DMGDH: variants seen among roughly 807,000 people sequenced by gnomAD.
DMGDH encodes dimethylglycine dehydrogenase, mitochondrial.
DMGDH carries 76 observed loss-of-function variants against 95.2 expected under a neutral mutation model. The observed-to-expected ratio is 0.80, with a 90% CI of 0.66 to 0.97. The LOEUF (loss-of-function observed/expected upper bound fraction) is 0.97. DMGDH is among the 50% of genes least tolerant of loss of function. The pLI is 0.00. For synonymous variants in DMGDH, 345 were observed against 377.6 expected (o/e 0.91, Z 1.00); for missense variants, 987 against 1,055.0 (o/e 0.94, Z 0.89).
intron 5 of DMGDH, among the ~76,000 whole-genome samples, chr5:79,047,014 C>T (rs1242093216): frequency 6.6e-6 from 1 of 151,964 alleles, no homozygotes; most frequent in Admixed American, 6.6e-5. Flanking sequence ...ACTTCAAATC[C>T]CATAGCAAGC....
chr5:79,048,350 C>T lies in DMGDH; in HGVS notation c.745+2937G>A, dbSNP rs140894631. ...ACTGCCATGGACAATGCCGAAAACA[C>T]ATCAGCTGACAAATTTTTACTCTTA... On this transcript the variant is annotated intron_variant, in intron 5 of 15. Coordinates refer to ENST00000255189, the MANE Select transcript of DMGDH (RefSeq NM_013391.3). Among the ~76,000 whole-genome samples, 6 of 152,316 alleles carry T rather than the reference C, an allele frequency of 3.9e-5. No individual in the cohort carries two copies. The East Asian group carries it at 1.2e-3, about 29-fold the overall frequency.
At chr5:79,000,459 T>C in intron 15 of DMGDH, 1 of 617,972 alleles carries the variant, frequency 1.6e-6, no homozygotes, top group East Asian at 4.1e-5. Flanking sequence ...GACAAACTAC[T>C]GGATCAAAGT....
chr5:79,033,167 C>T (rs1754239550), intron 8 of DMGDH, 72 bp downstream of exon 8: 2 of 1,586,394 alleles, frequency 1.3e-6, no homozygotes, highest in African/African-American at 1.3e-5. Flanking sequence ...AGAATAAAGA[C>T]CATCTAAAGT....
intron 5 of DMGDH, among the ~76,000 whole-genome samples, chr5:79,050,273 A>AAAAAAAAAATATATAT (rs1554037270): frequency 9.6e-5 from 2 of 20,936 alleles, no homozygotes; most frequent in African/African-American, 1.6e-4. Context: ...AAAAAAAAAA[A>AAAAAAAAAATATATAT]ATATATATAT....
chr5:79,017,693 C>T (rs60563713), intron 14 of DMGDH, among the ~76,000 whole-genome samples: 1 of 152,044 alleles, frequency 6.6e-6, no homozygotes, highest in Non-Finnish European at 1.5e-5. Flanking sequence ...CATACAAATA[C>T]TTGTACACAA....
At chr5:79,062,610 T>C (rs1755242390) in intron 2 of DMGDH, among the ~76,000 whole-genome samples, 1 of 152,008 alleles carries the variant, frequency 6.6e-6, no homozygotes, top group Admixed American at 6.6e-5. Flanking sequence ...TGTCAATCCC[T>C]TCATCTACCT....
At chr5:79,049,861 T>G (rs1754785034) in intron 5 of DMGDH, among the ~76,000 whole-genome samples, 1 of 152,160 alleles carries the variant, frequency 6.6e-6, no homozygotes, top group African/African-American at 2.4e-5. Context: ...GCTTTTCAAA[T>G]AGGAGGCATG....
chr5:79,000,475 T>C, intron 15 of DMGDH: 1 of 613,242 alleles, frequency 1.6e-6, no homozygotes, highest in Non-Finnish European at 3.2e-6. Context: ...AAAGTCTGCC[T>C]GAAAAGTACT....
At chr5:79,008,283 T>A (rs1360007686) in intron 14 of DMGDH, among the ~76,000 whole-genome samples, 1 of 152,152 alleles carries the variant, frequency 6.6e-6, no homozygotes, top group Non-Finnish European at 1.5e-5. Flanking sequence ...TGAGTTGAGT[T>A]TTGAAAGACG....
intron 2 of DMGDH, among the ~76,000 whole-genome samples, chr5:79,056,812 G>A (rs1025552733): frequency 2.0e-5 from 3 of 152,212 alleles, no homozygotes; most frequent in South Asian, 2.1e-4. Flanking sequence ...CCAAGATCAC[G>A]CCATTGCACT....
intron 14 of DMGDH, 53 bp downstream of exon 14, chr5:79,024,218 T>A: frequency 4.6e-6 from 7 of 1,519,714 alleles, no homozygotes; most frequent in Non-Finnish European, 6.4e-6. Flanking sequence ...TGTCACAAAA[T>A]AGCATCATAA....
chr5:79,059,958 A>C (rs953341638), intron 2 of DMGDH, among the ~76,000 whole-genome samples: 4 of 152,228 alleles, frequency 2.6e-5, no homozygotes, highest in Non-Finnish European at 2.9e-5. Flanking sequence ...ATTTCTATAA[A>C]GCTAATCACA....
rs753967144 is a variant in DMGDH at position 79,051,321 on chromosome 5, C to A, written c.711G>T (p.Gly237=). ...DGTWDVETPQ[G]SMRANRIVNA... Reference sequence around the variant, plus strand: ...TCACAATTCTATTTGCTCTCATAGACCCCTGTGGTGTTTCAACGTCCCATG... The same window carrying A: ...TCACAATTCTATTTGCTCTCATAGAACCCTGTGGTGTTTCAACGTCCCATG... Residue 237 remains glycine, a synonymous_variant, in exon 5 of 16, where the codon GGG becomes GGT. Transcript: ENST00000255189. 1.2e-6 allele frequency: 2 copies of A among 1,614,194 alleles called. No individual in the cohort carries two copies. Among genetic ancestry groups the A allele is most frequent in the Admixed American group, 1.7e-5 (1 of 60,026 alleles).
chr5:79,031,332 G>A (rs1229243883), intron 9 of DMGDH, among the ~76,000 whole-genome samples: 1 of 152,168 alleles, frequency 6.6e-6, no homozygotes, highest in Non-Finnish European at 1.5e-5. Context: ...AACTCTAGAC[G>A]CATATTAGAA....
At chr5:79,030,808 C>G (rs370124698) in intron 10 of DMGDH, 25 bp downstream of exon 10, 7 of 1,612,888 alleles carry the variant, frequency 4.3e-6, no homozygotes, top group Non-Finnish European at 5.1e-6. Context: ...AATCCTGGAC[C>G]TTGTATCCCT....
At chr5:79,059,333 C>A (rs776682930) in intron 2 of DMGDH, among the ~76,000 whole-genome samples, 1 of 152,202 alleles carries the variant, frequency 6.6e-6, no homozygotes. Context: ...CTGCAGAAGA[C>A]ACCGCTCAGT....
At chr5:79,056,718 G>T (rs1321695731) in intron 2 of DMGDH, among the ~76,000 whole-genome samples, 1 of 151,956 alleles carries the variant, frequency 6.6e-6, no homozygotes, top group African/African-American at 2.4e-5. Flanking sequence ...AGCCAGGCAT[G>T]GTGGTGCAAG....
chr5:79,042,555 G>A (rs1754541296), intron 6 of DMGDH, 74 bp from the exon 7 acceptor site: 2 of 1,430,696 alleles, frequency 1.4e-6, no homozygotes, highest in South Asian at 1.1e-5. Context: ...TTAAGCCTCT[G>A]ACATGGCCTA....
chr5:79,042,456 A>G lies in DMGDH; in HGVS notation c.1020T>C (p.Ser340=). ...TGTGTTCCATGATTCGATCTAGATC[A>G]GACTCAAAGAGTTCCTTTCCAAAAC... ...PPGFGKELFE[S]DLDRIMEHIK... The change falls in exon 7 of 16, where the codon TCT becomes TCC. Residue 340 remains serine, a synonymous_variant. Coordinates refer to ENST00000255189, the MANE Select transcript of DMGDH (RefSeq NM_013391.3). 6.2e-7 allele frequency: 1 copy of G among 1,614,204 alleles called. No individual in the cohort carries two copies. The highest frequency in any genetic ancestry group is 1.3e-5 in the African/African-American group (1 of 75,058).
Sources: allele counts gnomAD v4.1 joint callset (sites outside exome capture counted in the v4.1 genomes callset), GRCh38; gene constraint gnomAD v4.1.1; transcripts MANE v1.5; gene names NCBI Gene and HGNC (gene_info 2026-07-23, HGNC 2026-07-21).